PDE10A: variants seen among roughly 807,000 people sequenced by gnomAD.
PDE10A encodes the protein phosphodiesterase 10A, also known as cAMP and cAMP-inhibited cGMP 3',5'-cyclic phosphodiesterase 10A.
PDE10A carries 39 observed loss-of-function variants against 97.7 expected under a neutral mutation model. The ratio of observed to expected loss-of-function variants is 0.40; its 90% CI spans 0.31 to 0.52. PDE10A has a LOEUF of 0.52. Ranked by LOEUF, PDE10A falls within the 20% of genes least tolerant of loss-of-function variation. PDE10A has a pLI of 0.56. For synonymous variants in PDE10A, 371 were observed against 376.8 expected (o/e 0.98, Z 0.18); for missense variants, 731 against 1,047.8 (o/e 0.70, Z 4.17).
At chr6:165,664,775 G>T (rs914584491), upstream of PDE10A, among the ~76,000 whole-genome samples, 4 of 152,198 alleles carry the variant, frequency 2.6e-5, no homozygotes, top group African/African-American at 7.2e-5. Context: ...CACACATTTA[G>T]GGAAGTCGAG....
intron 1 of PDE10A, among the ~76,000 whole-genome samples, chr6:165,609,699 T>A (rs138215990): frequency 0.013 from 2,033 of 152,264 alleles, 48 homozygotes; most frequent in African/African-American, 0.047. Context: ...TCACAAGCAT[T>A]CTTATACACC....
chr6:165,555,273 G>A (rs759382743), intron 1 of PDE10A, among the ~76,000 whole-genome samples: 11 of 151,860 alleles, frequency 7.2e-5, no homozygotes, highest in Admixed American at 2.0e-4. Context: ...AATCTCTCAC[G>A]TACGCCATAC....
chr6:165,638,067 C>G (rs888853237), intron 1 of PDE10A, among the ~76,000 whole-genome samples: 5 of 152,100 alleles, frequency 3.3e-5, no homozygotes, highest in African/African-American at 7.2e-5. Context: ...TTAAATGGGT[C>G]AGAAATTCTC....
At chr6:165,545,656 A>G (rs112596099) in intron 1 of PDE10A, among the ~76,000 whole-genome samples, 3 of 152,134 alleles carry the variant, frequency 2.0e-5, no homozygotes, top group African/African-American at 7.2e-5. Context: ...GGCAATAAAC[A>G]TTTAAAAAGA....
At chr6:165,961,359 C>T (rs184358538) in intron 1 of PDE10A, among the ~76,000 whole-genome samples, 1 of 152,332 alleles carries the variant, frequency 6.6e-6, no homozygotes, top group East Asian at 1.9e-4. Flanking sequence ...GATAATGCTT[C>T]CTACAGTCCT....
At chr6:165,762,952 A>C (rs1237817180) in intron 1 of PDE10A, among the ~76,000 whole-genome samples, 3 of 152,188 alleles carry the variant, frequency 2.0e-5, no homozygotes, top group Non-Finnish European at 4.4e-5. Flanking sequence ...AAAGACAAAA[A>C]CCCTCTTACT....
chr6:165,442,532 C>A (rs113602631), intron 5 of PDE10A, among the ~76,000 whole-genome samples: 36 of 152,236 alleles, frequency 2.4e-4, no homozygotes, highest in African/African-American at 7.5e-4. Context: ...GAGTGCAAGG[C>A]GGGAAGTGCC....
intron 1 of PDE10A, among the ~76,000 whole-genome samples, chr6:165,960,399 G>A (rs1307205431): frequency 1.3e-5 from 2 of 152,176 alleles, no homozygotes; most frequent in East Asian, 1.9e-4. Flanking sequence ...TCATCCACGG[G>A]ATTCCAGGAC....
rs192924759 is a variant in PDE10A, at chr6:165,541,052, G to C, written c.994+2388C>G. Among the ~76,000 whole-genome samples the C allele has an allele frequency of 3.9e-4, 59 of 152,320 alleles. 1 individual carries two copies. The East Asian group carries it at 0.01, about 27-fold the overall frequency. On this transcript the variant is annotated intron_variant, in intron 2 of 21. Transcript: ENST00000539869. ...TACAGAATTTCACTGAACATGAAGC[G>C]ATATATGATGAGATACATTCTTTTG... is the stretch of plus-strand genomic sequence containing the variant.
intron 1 of PDE10A, among the ~76,000 whole-genome samples, chr6:165,750,363 C>G (rs933670931): frequency 6.6e-6 from 1 of 152,194 alleles, no homozygotes; most frequent in African/African-American, 2.4e-5. Context: ...TCCATGGGCT[C>G]TCTCAAAAGT....
At chr6:165,875,746 T>TTTTTTTTTTTTTTTTTTTTTTTTTTTGTG (rs780504850) in intron 1 of PDE10A, among the ~76,000 whole-genome samples, 1 of 147,010 alleles carries the variant, frequency 6.8e-6, no homozygotes, top group African/African-American at 2.6e-5. Context: ...TTTTTTTTTT[T>TTTTTTTTTTTTTTTTTTTTTTTTTTTGTG]TGTGTGTGTG....
chr6:165,816,191 T>C (rs867435552), intron 1 of PDE10A, among the ~76,000 whole-genome samples: 12 of 152,274 alleles, frequency 7.9e-5, no homozygotes, highest in Middle Eastern at 3.4e-3. Context: ...CCTCGTGATC[T>C]GCCCGCCTTG....
At chr6:165,495,543 C>CCGA (rs1554273575) in intron 2 of PDE10A, among the ~76,000 whole-genome samples, 1 of 151,842 alleles carries the variant, frequency 6.6e-6, no homozygotes, top group Admixed American at 6.6e-5. Flanking sequence ...TAAAAACACT[C>CCGA]GAGTATTTTT....
At chr6:165,742,236 T>C (rs1019949645) in intron 1 of PDE10A, among the ~76,000 whole-genome samples, 1 of 152,238 alleles carries the variant, frequency 6.6e-6, no homozygotes, top group South Asian at 2.1e-4. Context: ...TGAGTGCCAC[T>C]GTGCCTCCTC....
rs1420807278 is a variant in PDE10A at position 165,328,173 on chromosome 6, T to C, written c.*4852A>G. 6.6e-6 allele frequency: 1 copy of C among 152,198 alleles called. No homozygotes were observed. Among genetic ancestry groups the C allele is most frequent in the Non-Finnish European group, 1.5e-5 (1 of 68,042 alleles). 9.4% of individuals were successfully genotyped at this position (152,198 alleles called of 1,614,324 possible). A position where few individuals can be genotyped will look rare whatever the true frequency, so the allele number is the denominator to read the frequency against. On this transcript the variant is annotated 3_prime_UTR_variant, in exon 22 of 22. Transcript: ENST00000539869. ...GCACACGAAATGAACACATAGCATA[T>C]ACACCATACAACAGATCATATGGAA... is the stretch of plus-strand genomic sequence containing the variant.
chr6:165,984,423 C>A (rs944441874), intron 1 of PDE10A, among the ~76,000 whole-genome samples: 1 of 152,138 alleles, frequency 6.6e-6, no homozygotes, highest in South Asian at 2.1e-4. Flanking sequence ...TCATAGCTGG[C>A]AGTCATACAT....
At chr6:165,678,038 T>C (rs993675732) in intron 1 of PDE10A, among the ~76,000 whole-genome samples, 2 of 151,324 alleles carry the variant, frequency 1.3e-5, no homozygotes, top group African/African-American at 4.9e-5. Flanking sequence ...TTTGTGTGGG[T>C]GTTTGTATAT....
chr6:165,470,877 T>A (rs1483677384), intron 3 of PDE10A, among the ~76,000 whole-genome samples: 1 of 152,154 alleles, frequency 6.6e-6, no homozygotes, highest in Non-Finnish European at 1.5e-5. Flanking sequence ...TATATAAACA[T>A]GCTGTCATTT....
At chr6:165,395,530 G>T (rs1187091024) in intron 14 of PDE10A, among the ~76,000 whole-genome samples, 3 of 151,678 alleles carry the variant, frequency 2.0e-5, no homozygotes, top group Non-Finnish European at 4.4e-5. Context: ...TGTTGTCAGA[G>T]AAATAAAAAG....
Sources: gnomAD v4.1 joint callset for allele counts (sites outside exome capture counted in the v4.1 genomes callset) on GRCh38, gnomAD v4.1.1 for gene constraint, MANE v1.5 for transcripts, NCBI Gene and HGNC (gene_info 2026-07-23, HGNC 2026-07-21) for gene names.